Variants in USP26 observed in about 807,000 individuals in gnomAD.
USP26 encodes ubiquitin carboxyl-terminal hydrolase 26.
For missense variants in USP26, 649 were observed against 642.3 expected, an observed-to-expected ratio of 1.01 and a Z score of -0.11; for synonymous variants, 236 against 240.6, an observed-to-expected ratio of 0.98 and a Z score of 0.18.
intron 5 of USP26, among the ~76,000 whole-genome samples, chrX:133,064,100 T>C (rs943779126): frequency 9.8e-5 from 11 of 112,101 alleles, no homozygotes; most frequent in African/African-American, 3.6e-4. Context: ...TAAAACAGAC[T>C]TTGAACCAAC....
At chrX:133,046,061 C>G (rs1569510055) in intron 5 of USP26, 2 of 111,403 alleles carry the variant, frequency 1.8e-5, no homozygotes, top group Non-Finnish European at 3.8e-5. Context: ...TACAAGGATT[C>G]CTTGGTACTT....
rs926430214 is a variant in USP26, at chrX:133,023,427, C to G, written c.*2052G>C. Among the ~76,000 whole-genome samples the G allele has an allele frequency of 8.9e-6, 1 of 111,779 alleles. No homozygotes were observed. Among genetic ancestry groups the G allele is most frequent in the African/African-American group, 3.2e-5 (1 of 30,793 alleles). ...TCTTCACACTCCTTTCAAAACAAAA[C>G]AACTTTCCTTCATTCTTACCAAAAT... On this transcript the variant is annotated 3_prime_UTR_variant, in exon 6 of 6. Coordinates refer to ENST00000511190, the MANE Select transcript of USP26 (RefSeq NM_031907.3).
chrX:133,074,496 T>A (rs1202101321), intron 5 of USP26, among the ~76,000 whole-genome samples: 1 of 112,180 alleles, frequency 8.9e-6, no homozygotes, highest in Non-Finnish European at 1.9e-5. Flanking sequence ...TCTGAGAAGC[T>A]TAGATTAAGA....
Position 133,036,797 on chromosome X carries a change from A to G in USP26, c.-76-8501T>C, listed in dbSNP as rs530522562. On this transcript the variant is annotated intron_variant, in intron 5 of 5. Transcript: ENST00000511190. Reference sequence around the variant, plus strand: ...TGAACTAGTTCACACTCCCAATAACAGTGTAAAAGCGTTCCTATTTCTCTG... The same window carrying G: ...TGAACTAGTTCACACTCCCAATAACGGTGTAAAAGCGTTCCTATTTCTCTG... Among the ~76,000 whole-genome samples, 166 of 112,418 alleles carry G rather than the reference A, an allele frequency of 1.5e-3. 1 individual carries two copies. In the Middle Eastern group the frequency reaches 0.037, roughly 25 times the overall value.
chrX:133,096,755 C>T (rs1051293622), intron 1 of USP26, among the ~76,000 whole-genome samples: 15 of 110,944 alleles, frequency 1.4e-4, no homozygotes, highest in African/African-American at 2.0e-4. Context: ...ACTAGCCAGG[C>T]GTCGTGGCAG....
intron 5 of USP26, among the ~76,000 whole-genome samples, chrX:133,041,347 T>C (rs1299397072): frequency 8.9e-6 from 1 of 111,932 alleles, no homozygotes. Context: ...CTTTGATCTT[T>C]GAGGCTGATG....
At chrX:133,090,322 T>C (rs2067602904) in intron 3 of USP26, 96 bp from the exon 4 acceptor site, 1 of 112,229 alleles carries the variant, frequency 8.9e-6, no homozygotes, top group South Asian at 3.7e-4. Context: ...AGAGGAAATT[T>C]ACAAAGCACC....
At chrX:133,032,776 A>G (rs1318140914) in intron 5 of USP26, among the ~76,000 whole-genome samples, 1 of 111,848 alleles carries the variant, frequency 8.9e-6, no homozygotes, top group Non-Finnish European at 1.9e-5. Flanking sequence ...GAATGGAACA[A>G]TGAACAGAAA....
At chrX:133,054,458 G>A (rs1027312630) in intron 5 of USP26, among the ~76,000 whole-genome samples, 1 of 111,548 alleles carries the variant, frequency 9.0e-6, no homozygotes, top group Non-Finnish European at 1.9e-5. Flanking sequence ...TTGCTGTCTG[G>A]TTTGCCTAGC....
At chrX:133,046,109 C>T (rs1043330854) in intron 5 of USP26, among the ~76,000 whole-genome samples, 2 of 111,645 alleles carry the variant, frequency 1.8e-5, no homozygotes, top group Non-Finnish European at 3.8e-5. Flanking sequence ...AAAAGCCTTG[C>T]AGAGATACTA....
intron 5 of USP26, among the ~76,000 whole-genome samples, chrX:133,059,325 T>C (rs1366779096): frequency 9.0e-6 from 1 of 111,714 alleles, no homozygotes; most frequent in Non-Finnish European, 1.9e-5. Flanking sequence ...GCAACTGCTC[T>C]ATTGTTCCAA....
chrX:133,077,175 C>T (rs1316548369), intron 5 of USP26, among the ~76,000 whole-genome samples: 1 of 111,767 alleles, frequency 8.9e-6, no homozygotes, highest in Non-Finnish European at 1.9e-5. Flanking sequence ...TTATTTTCTA[C>T]AACAGTGTCA....
chrX:133,029,880 T>C (rs774061997), intron 5 of USP26, among the ~76,000 whole-genome samples: 7 of 111,927 alleles, frequency 6.3e-5, no homozygotes, highest in East Asian at 2.8e-4. Context: ...CCACTGAGCA[T>C]GGAAAGTAAA....
At chrX:133,050,607 T>TA (rs201536928) in intron 5 of USP26, among the ~76,000 whole-genome samples, 185 of 111,303 alleles carry the variant, frequency 1.7e-3, no homozygotes, top group African/African-American at 6.0e-3. Flanking sequence ...AATTTTTTTT[T>TA]AAAAAAAGAA....
chrX:133,090,037 T>A (rs1015859716), intron 4 of USP26, 76 bp downstream of exon 4: 3 of 111,562 alleles, frequency 2.7e-5, no homozygotes, highest in Non-Finnish European at 5.6e-5. Flanking sequence ...AGTTGGAGGA[T>A]CACTTGAGCC....
At chrX:133,043,485 C>T (rs1037920558) in intron 5 of USP26, among the ~76,000 whole-genome samples, 1 of 112,938 alleles carries the variant, frequency 8.9e-6, no homozygotes, top group African/African-American at 3.2e-5. Context: ...TCCTGCTATA[C>T]TGTGCTCTCT....
At chrX:133,084,512 C>CTT (rs34922544) in intron 4 of USP26, among the ~76,000 whole-genome samples, 11 of 71,140 alleles carry the variant, frequency 1.5e-4, no homozygotes, top group African/African-American at 5.3e-4. Flanking sequence ...GGCAGAACTT[C>CTT]TTTTTTTTTT....
Position 133,025,528 on chromosome X carries a change from T to G in USP26, c.2693A>C (p.Asn898Thr). 8.3e-7 allele frequency: 1 copy of G among 1,211,308 alleles called. No individual in the cohort carries two copies. Among genetic ancestry groups the G allele is most frequent in the Non-Finnish European group, 1.1e-6 (1 of 895,331 alleles). ...IFEEMLKREE[N>T]AQLNSKEVEE... ...TACCTCCTTGCTATTAAGCTGGGCATTCTCTTCTCTTTTCAACATCTCTTC... is the reference window on the plus strand; with the variant it reads ...TACCTCCTTGCTATTAAGCTGGGCAGTCTCTTCTCTTTTCAACATCTCTTC... The change falls in exon 6 of 6, where the codon AAT (asparagine) becomes ACT (threonine). Residue 898 changes from asparagine to threonine, a missense_variant. Physicochemically the swap from Asn to Thr is moderately conservative, Grantham distance 65. Transcript: ENST00000511190.
chrX:133,041,986 T>A (rs2067421378), intron 5 of USP26, among the ~76,000 whole-genome samples: 1 of 112,114 alleles, frequency 8.9e-6, no homozygotes, highest in South Asian at 3.7e-4. Context: ...CCAGTCCAAA[T>A]CTTCCAGTCT....
Sources: allele counts gnomAD v4.1 joint callset (sites outside exome capture counted in the v4.1 genomes callset), GRCh38; gene constraint gnomAD v4.1.1; transcripts MANE v1.5; gene names NCBI Gene and HGNC (gene_info 2026-07-23, HGNC 2026-07-21).